Variants in LRRC4B observed in about 807,000 individuals in gnomAD.
LRRC4B encodes the protein leucine-rich repeat-containing protein 4B.
LRRC4B carries 1 observed loss-of-function variant against 7.3 expected under a neutral mutation model. That is an observed-to-expected ratio of 0.14 (90% confidence interval 0.05 to 0.65). The LOEUF is 0.65. Among genes scored for constraint, LRRC4B ranks in the 30% least tolerant of loss-of-function variants. The pLI, the probability that LRRC4B is intolerant of heterozygous loss-of-function variation, is 0.84. For synonymous variants in LRRC4B, 500 were observed against 499.2 expected (o/e 1.00, Z -0.02); for missense variants, 730 against 1,041.6 (o/e 0.70, Z 4.12).
At chr19:50,526,782 G>A (rs931025983) in intron 2 of LRRC4B, among the ~76,000 whole-genome samples, 1 of 151,982 alleles carries the variant, frequency 6.6e-6, no homozygotes, top group East Asian at 1.9e-4. Context: ...GCTAATTTAT[G>A]TTAATCATTT....
In LRRC4B at chr19:50,542,280, C is replaced by G. The variant is rs11881483; in HGVS notation, c.297+6262G>C. ...CAGCCGAGGTGGTGCACCTTCCCCC[C>G]AGGTCCCGAGGAGATGGAGGCGAAG... On this transcript the variant is annotated intron_variant, in intron 2 of 2. Coordinates refer to ENST00000652263, the MANE Select transcript of LRRC4B (RefSeq NM_001080457.2). Among the ~76,000 whole-genome samples the G allele has an allele frequency of 2.9e-3, 438 of 152,146 alleles. 2 individuals carry two copies. Among genetic ancestry groups the G allele is most frequent in the African/African-American group, 9.8e-3 (407 of 41,516 alleles).
Position 50,519,544 on chromosome 19 carries a change from A to C in LRRC4B, c.298-129T>G. 1 of 1,425,740 alleles carries C rather than the reference A, an allele frequency of 7.0e-7. No individual in the cohort carries two copies. Among genetic ancestry groups the C allele is most frequent in the Non-Finnish European group, 9.2e-7 (1 of 1,091,172 alleles). 88.3% of individuals were successfully genotyped at this position (1,425,740 alleles called of 1,614,324 possible). On this transcript the variant is annotated intron_variant, in intron 2 of 2. Transcript: ENST00000652263. This position sits in a 1 kb window ranked among gnomAD's most constrained non-coding sequence, Gnocchi z 8.1. ...GTGCTGTGCTGTGACGGTACGACCT[A>C]TATTGCAACATGGTTTGATGAGTTT...
rs544313563 is a variant in LRRC4B at position 50,563,090 on chromosome 19, C to A, written c.-36+4854G>T. 4.6e-5 allele frequency among the ~76,000 whole-genome samples: 7 copies of A among 152,102 alleles called. No homozygotes were observed. Among genetic ancestry groups the A allele is most frequent in the Non-Finnish European group, 8.8e-5 (6 of 68,004 alleles). ...CCAGGATCCCAGATACTACCAGACA[C>A]CCCCCATTCTCACTCTCAGCAGCCC... On this transcript the variant is annotated intron_variant, in intron 1 of 2. Transcript: ENST00000652263. The surrounding 1 kb of genome is among the most constrained non-coding windows in gnomAD (Gnocchi z 4.9).
At chr19:50,560,543 C>T (rs1462802477) in intron 1 of LRRC4B, among the ~76,000 whole-genome samples, 1 of 152,216 alleles carries the variant, frequency 6.6e-6, no homozygotes, top group Non-Finnish European at 1.5e-5. Context: ...ATTCCAGGAT[C>T]CAGAAGATCC....
chr19:50,547,199 G>A (rs1187753354), intron 2 of LRRC4B, among the ~76,000 whole-genome samples: 1 of 152,154 alleles, frequency 6.6e-6, no homozygotes, highest in Non-Finnish European at 1.5e-5. Context: ...GGGAGCCTGT[G>A]GGAGGTGGGC....
chr19:50,521,177 G>C (rs1980563797), intron 2 of LRRC4B, among the ~76,000 whole-genome samples: 2 of 152,164 alleles, frequency 1.3e-5, no homozygotes, highest in African/African-American at 4.8e-5. Flanking sequence ...CTGAGCAAAA[G>C]ACGCCGAACA....
Position 50,518,489 on chromosome 19 carries a change from G to A in LRRC4B, c.1224C>T (p.Ser408=). ...GCAGGACGGAGATGCGCACGCGGTA[G>A]GAGCCGTGGGTCATGAGGGTGCCGT... The part of the protein sequence containing the change: ...TPNGTLMTHG[S]YRVRISVLHD... The change falls in exon 3 of 3, where the codon TCC becomes TCT. Residue 408 remains serine (S), a synonymous_variant. Coordinates refer to ENST00000652263, the MANE Select transcript of LRRC4B (RefSeq NM_001080457.2). The A allele has an allele frequency of 1.9e-6, 3 of 1,557,910 alleles. No homozygotes were observed. In the South Asian group the frequency reaches 3.7e-5, roughly 19 times the overall value.
intron 1 of LRRC4B, among the ~76,000 whole-genome samples, chr19:50,561,141 T>C (rs1982448815): frequency 6.6e-6 from 1 of 151,942 alleles, no homozygotes; most frequent in African/African-American, 2.4e-5. Flanking sequence ...AACAAACAGT[T>C]TTCCCATTCC....
Position 50,518,709 on chromosome 19 carries a change from G to A in LRRC4B, c.1004C>T (p.Thr335Met). 6.2e-7 allele frequency: 1 copy of A among 1,613,908 alleles called. No homozygotes were observed. Among genetic ancestry groups the A allele is most frequent in the Non-Finnish European group, 8.5e-7 (1 of 1,179,946 alleles). ...WLKETVPSNT[T>M]CCARCHAPAG... ...GGGCGCATGACAGCGGGCGCAGCAC[G>A]TCGTGTTGCTGGGCACCGTCTCCTT... The change falls in exon 3 of 3, where the codon ACG (threonine) becomes ATG (methionine). Residue 335 changes from threonine to methionine, a missense_variant. Around this residue, in one of 6 missense-constraint regions of LRRC4B, gnomAD observed 226 missense variants for 448.0 expected, o/e 0.50. Coordinates refer to ENST00000652263, the MANE Select transcript of LRRC4B (RefSeq NM_001080457.2).
intron 1 of LRRC4B, among the ~76,000 whole-genome samples, chr19:50,567,600 G>C (rs1305486455): frequency 6.6e-6 from 1 of 151,512 alleles, no homozygotes; most frequent in Non-Finnish European, 1.5e-5. Flanking sequence ...GGGGGGCCCG[G>C]ACCTACGCCC....
chr19:50,566,558 T>G (rs1599790542), intron 1 of LRRC4B, among the ~76,000 whole-genome samples: 1 of 111,742 alleles, frequency 8.9e-6, no homozygotes, highest in Non-Finnish European at 1.9e-5. Context: ...GAGATGGGGG[T>G]GCAGAGAGGA....
chr19:50,529,703 C>T lies in LRRC4B; in HGVS notation c.298-10288G>A, dbSNP rs10409016. 5.4e-3 allele frequency among the ~76,000 whole-genome samples: 820 copies of T among 152,048 alleles called. 7 individuals are homozygous for T. The highest frequency in any genetic ancestry group is 0.019 in the African/African-American group (788 of 41,462). On this transcript the variant is annotated intron_variant, in intron 2 of 2. Transcript: ENST00000652263. ...GCCTGTAATCCCAGCTACTCAGGAG[C>T]CTGAGGCAGAATTGCATGAACTTGG...
rs62116094 is a variant in LRRC4B at position 50,537,410 on chromosome 19, T to G, written c.297+11132A>C. 2.5e-3 allele frequency among the ~76,000 whole-genome samples: 377 copies of G among 152,312 alleles called. 3 individuals are homozygous for G. The highest frequency in any genetic ancestry group is 6.8e-3 in the Middle Eastern group (2 of 294). ...CTGACATTCTCCCGCCCACCCTCGC[T>G]GAGCTGTAGAAATAATTGGTCTATT... is the stretch of plus-strand genomic sequence containing the variant. On this transcript the variant is annotated intron_variant, in intron 2 of 2. Transcript: ENST00000652263. This position sits in a 1 kb window ranked among gnomAD's most constrained non-coding sequence, Gnocchi z 5.5.
At chr19:50,561,045 A>G (rs1294174997) in intron 1 of LRRC4B, among the ~76,000 whole-genome samples, 1 of 152,046 alleles carries the variant, frequency 6.6e-6, no homozygotes, top group Non-Finnish European at 1.5e-5. Flanking sequence ...GAGCGAAGAT[A>G]GCACCACTGC....
chr19:50,537,159 A>G lies in LRRC4B; in HGVS notation c.297+11383T>C, dbSNP rs6509477. Among the ~76,000 whole-genome samples, 97,256 of 152,004 alleles carry G rather than the reference A, an allele frequency of 0.64. 32,561 individuals carry two copies. The highest frequency in any genetic ancestry group is 0.82 in the African/African-American group (33,889 of 41,466). On this transcript the variant is annotated intron_variant, in intron 2 of 2. Transcript: ENST00000652263. This position sits in a 1 kb window ranked among gnomAD's most constrained non-coding sequence, Gnocchi z 5.5. ...CAGGGATAGCTACGAATTAGGAAGCATTACGAATCGCGTTGAAAAAACCAA... is the reference window on the plus strand; with the variant it reads ...CAGGGATAGCTACGAATTAGGAAGCGTTACGAATCGCGTTGAAAAAACCAA...
At chr19:50,525,254 G>C (rs952998793) in intron 2 of LRRC4B, among the ~76,000 whole-genome samples, 5 of 152,186 alleles carry the variant, frequency 3.3e-5, no homozygotes, top group African/African-American at 1.2e-4. Flanking sequence ...GGGTGAGGGA[G>C]AGGAGATGAG....
At chr19:50,545,124 A>G (rs532297369) in intron 2 of LRRC4B, among the ~76,000 whole-genome samples, 198 of 151,126 alleles carry the variant, frequency 1.3e-3, no homozygotes, top group African/African-American at 4.6e-3. Flanking sequence ...AAAAAAAAAA[A>G]AGGTCAGGCT....
At chr19:50,551,520 C>T (rs146140993) in intron 1 of LRRC4B, among the ~76,000 whole-genome samples, 9 of 141,698 alleles carry the variant, frequency 6.4e-5, no homozygotes, top group Non-Finnish European at 1.4e-4. Context: ...CCACCGACCC[C>T]AGCCCCCTTA....
chr19:50,559,306 C>T lies in LRRC4B; in HGVS notation c.-36+8638G>A, dbSNP rs117102344. On this transcript the variant is annotated intron_variant, in intron 1 of 2. Transcript: ENST00000652263. Reference sequence around the variant, plus strand: ...AAAATTAGCCGTGCCTGGTGGCGGGCGTCCATAATCCCAGCTACTGGGGAG... The same window carrying T: ...AAAATTAGCCGTGCCTGGTGGCGGGTGTCCATAATCCCAGCTACTGGGGAG... 4.5e-3 allele frequency among the ~76,000 whole-genome samples: 681 copies of T among 152,118 alleles called. 4 individuals are homozygous for T. The highest frequency in any genetic ancestry group is 6.8e-3 in the Non-Finnish European group (463 of 68,002).
Sources: gnomAD v4.1 joint callset for allele counts (sites outside exome capture counted in the v4.1 genomes callset) on GRCh38, gnomAD v4.1.1 for gene constraint, gnomAD v4.1.1 regional missense constraint, Gnocchi (gnomAD v3.1) non-coding constraint, MANE v1.5 for transcripts, NCBI Gene and HGNC (gene_info 2026-07-23, HGNC 2026-07-21) for gene names.